The following STAC2 variants were observed in gnomAD, a reference collection of about 807,000 sequenced individuals.
STAC2 encodes the protein SH3 and cysteine rich domain 2.
A neutral mutation model predicts 49.0 loss-of-function variants in STAC2; 36 were observed. The ratio of observed to expected loss-of-function variants is 0.74; its 90% CI spans 0.56 to 0.97. STAC2 has a LOEUF of 0.97. Among genes scored for constraint, STAC2 ranks in the 50% least tolerant of loss-of-function variants. The probability of loss-of-function intolerance (pLI) is 0.00; values close to 1 mark genes in which losing one functional copy is unlikely to be tolerated. For synonymous variants in STAC2, 239 were observed against 214.7 expected (o/e 1.11, Z -0.99); for missense variants, 527 against 543.8 (o/e 0.97, Z 0.31).
At chr17:39,220,291 T>C (rs1468181144) in intron 1 of STAC2, among the ~76,000 whole-genome samples, 1 of 152,068 alleles carries the variant, frequency 6.6e-6, no homozygotes, top group Non-Finnish European at 1.5e-5. Context: ...TCTGGGGGCT[T>C]GGATGGGCCC....
At chr17:39,213,173 ACCCCT>A in intron 9 of STAC2, 41 bp from the exon 10 acceptor site, 2 of 1,596,164 alleles carry the variant, frequency 1.3e-6, no homozygotes, top group Non-Finnish European at 1.7e-6. Flanking sequence ...GCCACACCCC[ACCCCT>A]GCTGCCCACC....
At chr17:39,213,404 T>C in intron 9 of STAC2, 103 bp downstream of exon 9, 2 of 1,425,698 alleles carry the variant, frequency 1.4e-6, no homozygotes, top group Non-Finnish European at 1.9e-6. Context: ...GGAGGAGAGG[T>C]TGTCTTTGGG....
chr17:39,213,250 C>G, intron 9 of STAC2, 118 bp from the exon 10 acceptor site: 2 of 1,509,618 alleles, frequency 1.3e-6, no homozygotes, highest in South Asian at 2.6e-5. Context: ...AGATCTAGGG[C>G]TCTCCGGATT....
In STAC2 at chr17:39,218,184, A is replaced by T. The variant is rs543348767; in HGVS notation, c.91-11T>A. 40 of 1,613,118 alleles carry T rather than the reference A, an allele frequency of 2.5e-5. No homozygotes were observed. In the African/African-American group the frequency reaches 4.7e-4, roughly 19 times the overall value. ...CTTGAATCGCTGGAGCTGGGAGAAA[A>T]AGAGGGAGCTGTGAGTGGGAGCCTA... On this transcript the variant is annotated splice_polypyrimidine_tract_variant and intron_variant, in intron 1 of 10. Coordinates refer to ENST00000333461, the MANE Select transcript of STAC2 (RefSeq NM_198993.5).
rs1346525741 is a variant in STAC2, at chr17:39,225,385, C to T, written c.90+28G>A. On this transcript the variant is annotated intron_variant, in intron 1 of 10. Coordinates refer to ENST00000333461, the MANE Select transcript of STAC2 (RefSeq NM_198993.5). This position sits in a 1 kb window ranked among gnomAD's most constrained non-coding sequence, Gnocchi z 8.2. ...GAAGAGGGCGCCCGGGCCCGGGGCGCGGACAGGCCTTGCGCCCCCCAAGTT... is the reference window on the plus strand; with the variant it reads ...GAAGAGGGCGCCCGGGCCCGGGGCGTGGACAGGCCTTGCGCCCCCCAAGTT... 4.4e-6 allele frequency: 7 copies of T among 1,573,038 alleles called. No individual in the cohort carries two copies. Among genetic ancestry groups the T allele is most frequent in the Non-Finnish European group, 6.0e-6 (7 of 1,164,488 alleles).
chr17:39,220,406 T>C (rs948727728), intron 1 of STAC2, among the ~76,000 whole-genome samples: 1 of 151,970 alleles, frequency 6.6e-6, no homozygotes, highest in Non-Finnish European at 1.5e-5. Flanking sequence ...CTAAACCTAC[T>C]GCCTGAAGGC....
chr17:39,223,344 G>A (rs1249003188), intron 1 of STAC2, among the ~76,000 whole-genome samples: 1 of 152,180 alleles, frequency 6.6e-6, no homozygotes, highest in Admixed American at 6.5e-5. Flanking sequence ...CTGCCCTGCT[G>A]AATACCCCCG....
In STAC2 at chr17:39,217,853, G is replaced by A. The variant is rs1380269825; in HGVS notation, c.397+14C>T. 4 of 1,593,518 alleles carry A rather than the reference G, an allele frequency of 2.5e-6. No homozygotes were observed. Among genetic ancestry groups the A allele is most frequent in the South Asian group, 1.1e-5 (1 of 87,990 alleles). ...GGCCCCTCCCCGTGGCCGCCTCAGT[G>A]CCCAGGCACCTACCTACGATGAGCT... On this transcript the variant is annotated intron_variant, in intron 2 of 10. Transcript: ENST00000333461.
At chr17:39,221,716 A>C (rs1253384376) in intron 1 of STAC2, among the ~76,000 whole-genome samples, 1 of 152,072 alleles carries the variant, frequency 6.6e-6, no homozygotes, top group African/African-American at 2.4e-5. Flanking sequence ...TGAGCCCTGC[A>C]TGGGCCTCAC....
intron 1 of STAC2, among the ~76,000 whole-genome samples, chr17:39,222,027 C>T (rs2046467953): frequency 6.6e-6 from 1 of 152,170 alleles, no homozygotes; most frequent in South Asian, 2.1e-4. Context: ...AAGTGCTTCC[C>T]CATATAGAGC....
intron 9 of STAC2, 103 bp downstream of exon 9, chr17:39,213,404 T>A (rs1438448188): frequency 1.5e-5 from 22 of 1,425,580 alleles, no homozygotes; most frequent in Non-Finnish European, 2.1e-5. Context: ...GGAGGAGAGG[T>A]TGTCTTTGGG....
At position 39,213,528 on chromosome 17, in the gene STAC2, G is replaced by A; in HGVS notation, c.972C>T (p.Asp324=). The A allele has an allele frequency of 6.2e-7, 1 of 1,613,866 alleles. No homozygotes were observed. The highest frequency in any genetic ancestry group is 8.5e-7 in the Non-Finnish European group (1 of 1,179,850). ...QPGDRIMLVD[D]SNEDWWKGKI... Reference sequence around the variant, plus strand: ...TCACCTTCCACCAGTCCTCGTTAGAGTCATCCACCAGCATGATCCGATCTC... The same window carrying A: ...TCACCTTCCACCAGTCCTCGTTAGAATCATCCACCAGCATGATCCGATCTC... Residue 324 remains aspartate (D), a synonymous_variant, in exon 9 of 11, where the codon GAC becomes GAT. Coordinates refer to ENST00000333461, the MANE Select transcript of STAC2 (RefSeq NM_198993.5).
At chr17:39,218,290 G>C (rs1242307350) in intron 1 of STAC2, 117 bp from the exon 2 acceptor site, 3 of 1,053,024 alleles carry the variant, frequency 2.8e-6, no homozygotes, top group East Asian at 2.4e-5. Flanking sequence ...CAGCAGCGTG[G>C]GGGCTGAGGG....
At chr17:39,222,824 A>T (rs2046475155) in intron 1 of STAC2, among the ~76,000 whole-genome samples, 1 of 151,782 alleles carries the variant, frequency 6.6e-6, no homozygotes, top group African/African-American at 2.4e-5. Context: ...CCACCTCCCC[A>T]TATCCTGGAC....
At position 39,211,953 on chromosome 17, in the gene STAC2, A is replaced by C; in HGVS notation, c.*339T>G. 1 of 247,094 alleles carries C rather than the reference A, an allele frequency of 4.0e-6. No homozygotes were observed. The highest frequency in any genetic ancestry group is 7.9e-6 in the Non-Finnish European group (1 of 126,516). The allele number at this position is 247,094 out of a possible 1,614,324, so 15.3% of individuals were successfully genotyped here. ...TGGGCAGGGGAAGGCTGGGAGAAGC[A>C]GCAAATAAATTCCCCAGGAATCTTC... On this transcript the variant is annotated 3_prime_UTR_variant, in exon 11 of 11. Transcript: ENST00000333461.
chr17:39,217,444 G>A (rs931095586), intron 2 of STAC2, among the ~76,000 whole-genome samples: 3 of 152,144 alleles, frequency 2.0e-5, no homozygotes, highest in Non-Finnish European at 4.4e-5. Flanking sequence ...ACAGTTGGGG[G>A]TGGGTGCAAT....
chr17:39,218,995 T>C (rs1307161164), intron 1 of STAC2, among the ~76,000 whole-genome samples: 1 of 152,020 alleles, frequency 6.6e-6, no homozygotes, highest in Non-Finnish European at 1.5e-5. Context: ...CATTGACTCG[T>C]CACCTCACAG....
intron 4 of STAC2, among the ~76,000 whole-genome samples, chr17:39,215,938 C>T (rs551114457): frequency 5.3e-5 from 8 of 152,188 alleles, no homozygotes; most frequent in Admixed American, 2.6e-4. Flanking sequence ...GTGATCCGCC[C>T]GCCTCGGCCT....
chr17:39,220,567 TG>T (rs2046451778), intron 1 of STAC2, among the ~76,000 whole-genome samples: 1 of 149,962 alleles, frequency 6.7e-6, no homozygotes, highest in Non-Finnish European at 1.5e-5. Flanking sequence ...CTCCACCTCC[TG>T]GGTTCAAGTG....
Sources: gnomAD v4.1 joint callset for allele counts (sites outside exome capture counted in the v4.1 genomes callset) on GRCh38, gnomAD v4.1.1 for gene constraint, Gnocchi (gnomAD v3.1) non-coding constraint, MANE v1.5 for transcripts, NCBI Gene and HGNC (gene_info 2026-07-23, HGNC 2026-07-21) for gene names.